The following OLFML2B variants were observed in gnomAD, a reference collection of about 807,000 sequenced individuals.
The protein encoded by OLFML2B is olfactomedin like 2B.
A neutral mutation model predicts 74.9 loss-of-function variants in OLFML2B; 57 were observed. That is an observed-to-expected ratio of 0.76 (90% confidence interval 0.61 to 0.95). OLFML2B has a LOEUF of 0.95. Ranked by LOEUF, OLFML2B falls within the 40% of genes least tolerant of loss-of-function variation. OLFML2B has a pLI of 0.00. For synonymous variants in OLFML2B, 388 were observed against 405.8 expected (o/e 0.96, Z 0.53); for missense variants, 986 against 970.6 (o/e 1.02, Z -0.21).
At chr1:162,012,602 C>G (rs1456808580) in intron 3 of OLFML2B, among the ~76,000 whole-genome samples, 1 of 152,150 alleles carries the variant, frequency 6.6e-6, no homozygotes. Context: ...GTGTGGTTTG[C>G]AAATTCCAGC....
At chr1:161,997,679 A>G (rs1689951011) in intron 6 of OLFML2B, 146 bp downstream of exon 6, 4 of 847,502 alleles carry the variant, frequency 4.7e-6, no homozygotes, top group Non-Finnish European at 7.3e-6. Context: ...TGTTAAAACT[A>G]ATCGTTGGTC....
At chr1:162,013,017 C>G (rs1247057804) in intron 3 of OLFML2B, among the ~76,000 whole-genome samples, 1 of 152,178 alleles carries the variant, frequency 6.6e-6, no homozygotes, top group Non-Finnish European at 1.5e-5. Flanking sequence ...ACCTTTAGGC[C>G]TGGCAGCCTA....
At chr1:162,000,401 G>T in intron 4 of OLFML2B, 63 bp from the exon 5 acceptor site, 3 of 1,419,560 alleles carry the variant, frequency 2.1e-6, no homozygotes, top group South Asian at 1.2e-5. Context: ...GTGGGCAGGT[G>T]GGGGCAAGGC....
At chr1:161,986,515 T>A (rs1689596775) in intron 6 of OLFML2B, among the ~76,000 whole-genome samples, 1 of 152,146 alleles carries the variant, frequency 6.6e-6, no homozygotes, top group Non-Finnish European at 1.5e-5. Flanking sequence ...AGTGTGGGGT[T>A]TATTAGGTCC....
At position 162,011,867 on chromosome 1, in the gene OLFML2B, T is replaced by C. The variant is rs911766368; in HGVS notation, c.547-5394A>G. ...GCACACTTGCACATCCTGGCAGCTC[T>C]AAACTGTTCCTAGGCCGACGGATGG... On this transcript the variant is annotated intron_variant, in intron 3 of 7. Transcript: ENST00000294794. Among the ~76,000 whole-genome samples, 6 of 152,206 alleles carry C rather than the reference T, an allele frequency of 3.9e-5. No individual in the cohort carries two copies. In the East Asian group the frequency reaches 1.2e-3, roughly 29 times the overall value.
intron 4 of OLFML2B, among the ~76,000 whole-genome samples, chr1:162,005,953 C>T (rs1284443748): frequency 3.4e-5 from 5 of 145,790 alleles, no homozygotes; most frequent in African/African-American, 5.1e-5. Context: ...CAGGAGTAAA[C>T]CAGGATGGTC....
At chr1:162,020,451 A>G (rs1299715846) in intron 1 of OLFML2B, among the ~76,000 whole-genome samples, 1 of 152,166 alleles carries the variant, frequency 6.6e-6, no homozygotes, top group Admixed American at 6.5e-5. Flanking sequence ...AGGAAAAACC[A>G]GATGAGCCAA....
At position 161,983,551 on chromosome 1, in the gene OLFML2B, A is replaced by G; in HGVS notation, c.*124T>C. On this transcript the variant is annotated 3_prime_UTR_variant, in exon 8 of 8. Transcript: ENST00000294794. ...ACCCAAATTGTCATTTTACATTTGC[A>G]ATATTATACAAAATAATATATATTT... The G allele has an allele frequency of 9.3e-7, 1 of 1,069,654 alleles. No homozygotes were observed. The highest frequency in any genetic ancestry group is 2.6e-5 in the East Asian group (1 of 37,854). The allele number at this position is 1,069,654 out of a possible 1,614,324, so 66.3% of individuals were successfully genotyped here. A position where few individuals can be genotyped will look rare whatever the true frequency, so the allele number is the denominator to read the frequency against.
At chr1:162,011,034 C>A (rs938320270) in intron 3 of OLFML2B, among the ~76,000 whole-genome samples, 1 of 152,066 alleles carries the variant, frequency 6.6e-6, no homozygotes, top group African/African-American at 2.4e-5. Context: ...GAAAGGGAAG[C>A]CAGGGTTTGG....
rs1172127376 is a variant in OLFML2B at position 162,000,155 on chromosome 1, T to C, written c.907A>G (p.Lys303Glu). The change falls in exon 5 of 8, where the codon AAA becomes GAA. Residue 303 changes from lysine (K) to glutamate (E), a missense_variant. Coordinates refer to ENST00000294794, the MANE Select transcript of OLFML2B (RefSeq NM_015441.3). ...PTVIRGITYY[K>E]AKVSEEENDI... Reference sequence around the variant, plus strand: ...TTCTCTTCTTCAGAGACCTTGGCTTTATAGTAGGTGATGCCCCGGATGACA... The same window carrying C: ...TTCTCTTCTTCAGAGACCTTGGCTTCATAGTAGGTGATGCCCCGGATGACA... The C allele has an allele frequency of 6.2e-7, 1 of 1,610,868 alleles. No homozygotes were observed. Among genetic ancestry groups the C allele is most frequent in the African/African-American group, 1.3e-5 (1 of 74,790 alleles).
chr1:161,984,090 C>T lies in OLFML2B; in HGVS notation c.1838G>A (p.Arg613Gln), dbSNP rs756692798. ...DVAYEEATPW[R>Q]WQGHSDVDFA... ...GTCCACGTCTGAGTGGCCCTGCCAT[C>T]GCCAGGGGGTGGCCTCCTCGTAGGC... Residue 613 changes from arginine to glutamine, a missense_variant, in exon 8 of 8, where the codon CGA becomes CAA. Physicochemically the swap from Arg to Gln is conservative, Grantham distance 43 (BLOSUM62 1). Transcript: ENST00000294794. The T allele has an allele frequency of 1.3e-5, 21 of 1,612,352 alleles. No homozygotes were observed. Among genetic ancestry groups the T allele is most frequent in the Non-Finnish European group, 1.8e-5 (21 of 1,178,820 alleles).
chr1:161,985,064 G>A, intron 6 of OLFML2B, 84 bp from the exon 7 acceptor site: 1 of 1,412,358 alleles, frequency 7.1e-7, no homozygotes, highest in South Asian at 1.4e-5. Context: ...TCCATTTAGA[G>A]TCTGGACTCC....
chr1:162,023,577 G>T lies in OLFML2B; in HGVS notation c.-147C>A. ...TCTAAAGCTGGGTGCGGCTGAGCGG[G>T]ACGGGAGGGTGCGCCCCAGAGACTC... On this transcript the variant is annotated 5_prime_UTR_variant, in exon 1 of 8. Coordinates refer to ENST00000294794, the MANE Select transcript of OLFML2B (RefSeq NM_015441.3). The T allele has an allele frequency of 1.4e-6, 1 of 732,122 alleles. No individual in the cohort carries two copies. Among genetic ancestry groups the T allele is most frequent in the Non-Finnish European group, 2.0e-6 (1 of 499,400 alleles). 45.4% of individuals were successfully genotyped at this position (732,122 alleles called of 1,614,324 possible).
chr1:162,002,261 T>C (rs1380986482), intron 4 of OLFML2B, among the ~76,000 whole-genome samples: 1 of 152,122 alleles, frequency 6.6e-6, no homozygotes, highest in African/African-American at 2.4e-5. Context: ...AGGACTCCAG[T>C]GGCTGGATAA....
At chr1:162,018,973 C>G (rs546185537) in intron 2 of OLFML2B, among the ~76,000 whole-genome samples, 1 of 152,318 alleles carries the variant, frequency 6.6e-6, no homozygotes, top group South Asian at 2.1e-4. Context: ...GAGTCTAATC[C>G]TACAACTGAG....
intron 4 of OLFML2B, among the ~76,000 whole-genome samples, chr1:162,004,056 C>T (rs1344627978): frequency 1.3e-5 from 2 of 152,230 alleles, no homozygotes; most frequent in African/African-American, 4.8e-5. Context: ...GAAATCTGAG[C>T]TGGGTTCCCG....
chr1:161,985,125 A>C, intron 6 of OLFML2B, 145 bp from the exon 7 acceptor site: 1 of 716,012 alleles, frequency 1.4e-6, no homozygotes, highest in Non-Finnish European at 2.2e-6. Context: ...ATTTTTCCAC[A>C]CCATCTCCTG....
At chr1:161,989,906 C>T (rs572024615) in intron 6 of OLFML2B, among the ~76,000 whole-genome samples, 2 of 152,288 alleles carry the variant, frequency 1.3e-5, no homozygotes, top group Non-Finnish European at 2.9e-5. Context: ...TGAACCAGAT[C>T]GTGCTCCGAA....
At chr1:162,021,205 G>A (rs1472909124) in intron 1 of OLFML2B, among the ~76,000 whole-genome samples, 1 of 152,218 alleles carries the variant, frequency 6.6e-6, no homozygotes, top group African/African-American at 2.4e-5. Context: ...AAAGAGGCAG[G>A]TCCAGAAGTT....
Sources: allele counts gnomAD v4.1 joint callset (sites outside exome capture counted in the v4.1 genomes callset), GRCh38; gene constraint gnomAD v4.1.1; transcripts MANE v1.5; gene names NCBI Gene and HGNC (gene_info 2026-07-23, HGNC 2026-07-21).